The following RAB38 variants were observed in gnomAD, a reference collection of about 807,000 sequenced individuals.
RAB38 encodes ras-related protein Rab-38.
Under a neutral mutation model 18.4 loss-of-function variants are expected in RAB38, and 15 were observed. The ratio of observed to expected loss-of-function variants is 0.82; its 90% confidence interval spans 0.55 to 1.26. RAB38 has a LOEUF of 1.26. Among genes scored for constraint, RAB38 ranks in the 50% most tolerant of loss-of-function variants. The pLI is 0.00. For synonymous variants in RAB38, 101 were observed against 104.4 expected (o/e 0.97, Z 0.20); for missense variants, 294 against 267.4 (o/e 1.10, Z -0.69).
At chr11:87,854,486 CAT>C in the RAB38 span, among the ~76,000 whole-genome samples, 2 of 152,030 alleles carry the variant, frequency 1.3e-5, no homozygotes, top group African/African-American at 4.8e-5. Flanking sequence ...ACTCTTAACA[CAT>C]AAAGATTTAG....
chr11:87,893,371 C>CATATATATATATGTATAT, the RAB38 span, among the ~76,000 whole-genome samples: 51 of 86,420 alleles, frequency 5.9e-4, no homozygotes, highest in African/African-American at 2.0e-3. Context: ...ATATATTTTA[C>CATATATATATATGTATAT]ATATATATAT....
At chr11:88,104,574 C>G in the RAB38 span, among the ~76,000 whole-genome samples, 3 of 152,078 alleles carry the variant, frequency 2.0e-5, no homozygotes, top group African/African-American at 7.2e-5. Context: ...TTCTTCATCT[C>G]TCAAATCAGG....
the RAB38 span, among the ~76,000 whole-genome samples, chr11:87,929,498 A>T: frequency 2.6e-5 from 4 of 151,790 alleles, no homozygotes; most frequent in South Asian, 2.1e-4. Context: ...ATTTCAAATA[A>T]TCATTTGGAA....
chr11:87,853,267 T>C, the RAB38 span, among the ~76,000 whole-genome samples: 1 of 152,144 alleles, frequency 6.6e-6, no homozygotes, highest in East Asian at 1.9e-4. Context: ...CCTAATATTA[T>C]GGTATGTAGA....
the RAB38 span, among the ~76,000 whole-genome samples, chr11:88,077,251 C>T: frequency 6.6e-6 from 1 of 151,798 alleles, no homozygotes; most frequent in East Asian, 1.9e-4. Flanking sequence ...AATCCTGGTC[C>T]TTTCAAATTA....
the RAB38 span, among the ~76,000 whole-genome samples, chr11:88,093,227 C>T: frequency 6.6e-6 from 1 of 151,856 alleles, no homozygotes; most frequent in East Asian, 1.9e-4. Context: ...ATAGCCTATA[C>T]TGACTGAATG....
the RAB38 span, among the ~76,000 whole-genome samples, chr11:87,940,620 G>GTA: frequency 1.3e-5 from 2 of 151,984 alleles, no homozygotes; most frequent in South Asian, 2.1e-4. Context: ...ATGTGTGTGT[G>GTA]TATATATATG....
At chr11:87,952,395 C>T in the RAB38 span, among the ~76,000 whole-genome samples, 9 of 152,144 alleles carry the variant, frequency 5.9e-5, no homozygotes, top group Non-Finnish European at 1.5e-5. Flanking sequence ...TTTTTGGAGT[C>T]ATTTTTAGGA....
the RAB38 span, among the ~76,000 whole-genome samples, chr11:87,929,294 C>T: frequency 1.1e-4 from 17 of 151,800 alleles, no homozygotes; most frequent in Non-Finnish European, 2.1e-4. Flanking sequence ...ATTGTAACCC[C>T]CTCTTTCCTT....
At chr11:88,030,351 T>C in the RAB38 span, among the ~76,000 whole-genome samples, 1 of 152,038 alleles carries the variant, frequency 6.6e-6, no homozygotes, top group African/African-American at 2.4e-5. Flanking sequence ...ATTCAAAAAC[T>C]AGCAGAAGGC....
chr11:88,075,445 A>G, the RAB38 span, among the ~76,000 whole-genome samples: 2 of 152,240 alleles, frequency 1.3e-5, no homozygotes, highest in Non-Finnish European at 2.9e-5. Context: ...CTCCTGAATG[A>G]TCAATGAAGA....
chr11:88,173,783 G>A (rs1943341211), intron 1 of RAB38: 1 of 985,184 alleles, frequency 1.0e-6, no homozygotes, highest in African/African-American at 1.7e-5. Flanking sequence ...TAACCCCCTT[G>A]CTACTAGAGC....
At position 88,133,776 on chromosome 11, in the gene RAB38, T is replaced by C. The variant is rs1016507717; in HGVS notation, c.483+15899A>G. Among the ~76,000 whole-genome samples the C allele has an allele frequency of 2.0e-4, 30 of 152,308 alleles. 1 individual carries two copies. The highest frequency in any genetic ancestry group is 1.2e-3 in the Admixed American group (19 of 15,302). On this transcript the variant is annotated intron_variant, in intron 2 of 2. Coordinates refer to ENST00000243662, the MANE Select transcript of RAB38 (RefSeq NM_022337.3). ...CTTCCCAGTTTACTACTCAGAAGAA[T>C]AGCATAGAAAAAAAAGAGTGAAAAG...
At chr11:88,031,063 G>T in the RAB38 span, among the ~76,000 whole-genome samples, 1 of 150,716 alleles carries the variant, frequency 6.6e-6, no homozygotes, top group South Asian at 2.1e-4. Flanking sequence ...GGGATGCAAG[G>T]CTGGTTCAAT....
At chr11:88,063,184 C>G in the RAB38 span, among the ~76,000 whole-genome samples, 1 of 152,062 alleles carries the variant, frequency 6.6e-6, no homozygotes, top group African/African-American at 2.4e-5. Flanking sequence ...TATAATATAA[C>G]TTTATGATTA....
At chr11:87,816,260 G>C in the RAB38 span, 17 of 152,346 alleles carry the variant, frequency 1.1e-4, 1 homozygote, top group Non-Finnish European at 4.4e-5. Flanking sequence ...TATTCTTTTC[G>C]TTATAAGGTT....
At chr11:87,882,605 C>A in the RAB38 span, among the ~76,000 whole-genome samples, 1 of 151,764 alleles carries the variant, frequency 6.6e-6, no homozygotes, top group Non-Finnish European at 1.5e-5. Flanking sequence ...TAAGTTAGTT[C>A]CTGTCCTCAA....
intron 1 of RAB38, among the ~76,000 whole-genome samples, chr11:88,159,411 C>A (rs1197903654): frequency 1.4e-5 from 2 of 147,554 alleles, no homozygotes; most frequent in Non-Finnish European, 3.0e-5. Context: ...ACACTGCCCC[C>A]CAAAAATCTA....
chr11:88,159,951 A>G (rs1266124371), intron 1 of RAB38, among the ~76,000 whole-genome samples: 4 of 152,124 alleles, frequency 2.6e-5, no homozygotes, highest in East Asian at 3.8e-4. Flanking sequence ...CTCAAAAGCA[A>G]TTGCAACAAA....
Sources: gnomAD v4.1 joint callset for allele counts (sites outside exome capture counted in the v4.1 genomes callset) on GRCh38, gnomAD v4.1.1 for gene constraint, MANE v1.5 for transcripts, NCBI Gene and HGNC (gene_info 2026-07-23, HGNC 2026-07-21) for gene names.